Variants in ATP5MC2 observed in about 807,000 individuals in gnomAD.
ATP5MC2 encodes ATP synthase membrane subunit c locus 2.
ATP5MC2 carries 11 observed loss-of-function variants against 13.5 expected under a neutral mutation model. That is an observed-to-expected ratio of 0.81 (90% CI 0.51 to 1.35). The LOEUF (loss-of-function observed/expected upper bound fraction) is 1.35, where lower values mean the gene tolerates loss of function less well. Among genes scored for constraint, ATP5MC2 ranks in the 40% most tolerant of loss-of-function variants. The pLI is 0.00. For synonymous variants in ATP5MC2, 64 were observed against 69.7 expected, an observed-to-expected ratio of 0.92 and a Z score of 0.41; for missense variants, 132 against 175.0, an observed-to-expected ratio of 0.75 and a Z score of 1.39.
chr12:53,672,701 A>G (rs1945139255), intron 1 of ATP5MC2, 56 bp from the exon 2 acceptor site: 20 of 1,501,442 alleles, frequency 1.3e-5, no homozygotes, highest in Non-Finnish European at 1.8e-5. Context: ...CTATATCCTT[A>G]TTAGCAGAAA....
rs561172836 is a variant in ATP5MC2, at chr12:53,665,710, A to T, written c.312-282T>A. 6.6e-5 allele frequency among the ~76,000 whole-genome samples: 10 copies of T among 151,670 alleles called. 1 individual carries two copies. Among genetic ancestry groups the T allele is most frequent in the African/African-American group, 2.4e-4 (10 of 41,290 alleles). On this transcript the variant is annotated intron_variant, in intron 4 of 4. Transcript: ENST00000394349. ...ACCCATCTCATTACCACAAATTAAG[A>T]CCTCTTGGCCCAGACACTTAATATC...
intron 1 of ATP5MC2, among the ~76,000 whole-genome samples, chr12:53,675,690 G>T (rs575561621): frequency 1.3e-5 from 2 of 152,220 alleles, no homozygotes; most frequent in Non-Finnish European, 2.9e-5. Flanking sequence ...GATGAGAAGA[G>T]AAAGCAGAGA....
chr12:53,671,332 G>T (rs1945089450), intron 2 of ATP5MC2, among the ~76,000 whole-genome samples: 1 of 152,330 alleles, frequency 6.6e-6, no homozygotes, highest in South Asian at 2.1e-4. Flanking sequence ...AAGAGTAAAT[G>T]AGATTATGTA....
chr12:53,671,806 C>T (rs755010696), intron 2 of ATP5MC2, among the ~76,000 whole-genome samples: 3 of 152,054 alleles, frequency 2.0e-5, no homozygotes, highest in Admixed American at 6.6e-5. Flanking sequence ...CCGAGGACGG[C>T]GGATCACCTG....
At chr12:53,679,285 G>T (rs7976793), upstream of ATP5MC2, among the ~76,000 whole-genome samples, 45,403 of 146,908 alleles carry the variant, frequency 0.31, 7,112 homozygotes, top group East Asian at 0.37. Flanking sequence ...GAGAGACCAG[G>T]GCACAGAGAA....
chr12:53,669,436 C>T lies in ATP5MC2; in HGVS notation c.118-95G>A, dbSNP rs1309480212. 2.1e-6 allele frequency: 3 copies of T among 1,450,184 alleles called. No individual in the cohort carries two copies. The Admixed American group carries it at 8.4e-5, about 40-fold the overall frequency. 89.8% of individuals were successfully genotyped at this position (1,450,184 alleles called of 1,614,324 possible). ...TAAGCTGCCAAATCCCATTGTTTCT[C>T]CCCCAAACAGAAAATTGTTTAACGC... On this transcript the variant is annotated intron_variant, in intron 3 of 4. Transcript: ENST00000394349.
At chr12:53,676,134 C>A (rs2120414647), upstream of ATP5MC2, 1 of 1,614,226 alleles carries the variant, frequency 6.2e-7, no homozygotes, top group African/African-American at 1.3e-5. Context: ...GTGACCCGGG[C>A]CAACGAGTCG....
At chr12:53,677,341 G>A (rs1945303200), upstream of ATP5MC2, 1 of 152,240 alleles carries the variant, frequency 6.6e-6, no homozygotes, top group Non-Finnish European at 1.5e-5. Context: ...GATAAAAACC[G>A]CCGCTGAAAG....
At position 53,675,315 on chromosome 12, in the gene ATP5MC2, G is replaced by T. The variant is rs1428732914; in HGVS notation, c.-32+738C>A. Among the ~76,000 whole-genome samples the T allele has an allele frequency of 2.6e-5, 4 of 152,176 alleles. No homozygotes were observed. The East Asian group carries it at 5.8e-4, about 22-fold the overall frequency. On this transcript the variant is annotated intron_variant, in intron 1 of 4. Coordinates refer to ENST00000394349, the MANE Select transcript of ATP5MC2 (RefSeq NM_005176.7). ...GGTCTCATGCTGGCCCCACTAGCTT[G>T]GCCTTACCCCACCTTTCTGGGCCTG...
intron 4 of ATP5MC2, 92 bp from the exon 5 acceptor site, chr12:53,665,520 T>A (rs1944890157): frequency 1.9e-6 from 2 of 1,034,390 alleles, no homozygotes; most frequent in Non-Finnish European, 3.0e-6. Flanking sequence ...ATCCCCCTCT[T>A]CAAGATTATC....
chr12:53,677,543 C>T (rs1311461752), upstream of ATP5MC2: 1 of 152,230 alleles, frequency 6.6e-6, no homozygotes, highest in Non-Finnish European at 1.5e-5. Flanking sequence ...TTTTATGGCC[C>T]TGAGCTCCTG....
chr12:53,674,682 T>C lies in ATP5MC2; in HGVS notation c.-32+1371A>G, dbSNP rs950979426. Among the ~76,000 whole-genome samples the C allele has an allele frequency of 4.6e-5, 7 of 152,342 alleles. No individual in the cohort carries two copies. The East Asian group carries it at 1.2e-3, about 25-fold the overall frequency. On this transcript the variant is annotated intron_variant, in intron 1 of 4. Coordinates refer to ENST00000394349, the MANE Select transcript of ATP5MC2 (RefSeq NM_005176.7). Reference sequence around the variant, plus strand: ...CCAGGCTATTGTGGAACTCCTGGCATCAAAAGATCTTCCCACCTTGGCCTC... The same window carrying C: ...CCAGGCTATTGTGGAACTCCTGGCACCAAAAGATCTTCCCACCTTGGCCTC...
chr12:53,675,042 C>G (rs750578749), intron 1 of ATP5MC2, among the ~76,000 whole-genome samples: 2 of 152,142 alleles, frequency 1.3e-5, no homozygotes, highest in African/African-American at 4.8e-5. Context: ...AAACCCACAA[C>G]AAGGGGTGGC....
upstream of ATP5MC2, chr12:53,676,352 G>A (rs528083609): frequency 3.7e-6 from 4 of 1,075,924 alleles, no homozygotes; most frequent in African/African-American, 6.6e-5. Flanking sequence ...TACCGCGTTT[G>A]GGATCTCGGA....
At chr12:53,669,414 G>A (rs1326328344) in intron 3 of ATP5MC2, 73 bp from the exon 4 acceptor site, 1 of 1,485,472 alleles carries the variant, frequency 6.7e-7, no homozygotes, top group African/African-American at 1.4e-5. Context: ...AACCCTTTAA[G>A]CTGCCAAATC....
rs1945025493 is a variant in ATP5MC2 at position 53,669,329 on chromosome 12, A to G, written c.130T>C (p.Leu44=). Residue 44 remains leucine, a synonymous_variant, in exon 4 of 5, where the codon TTG becomes CTG. Coordinates refer to ENST00000394349, the MANE Select transcript of ATP5MC2 (RefSeq NM_005176.7). ...EILTDESLSS[L]AVSCPLTSLV... is the part of the protein sequence containing the mutation. ...GAGGTAAGGGGACATGAGACTGCCA[A>G]GCTGCTGAGGCTCTGTGAAAAAGAG... is the stretch of plus-strand genomic sequence containing the variant. 1.2e-6 allele frequency: 2 copies of G among 1,613,476 alleles called. No homozygotes were observed. Among genetic ancestry groups the G allele is most frequent in the Non-Finnish European group, 1.7e-6 (2 of 1,179,746 alleles).
Position 53,672,635 on chromosome 12 carries a change from T to C in ATP5MC2, c.-21A>G, listed in dbSNP as rs769277990. On this transcript the variant is annotated 5_prime_UTR_variant, in exon 2 of 5. Transcript: ENST00000394349. ...AACATTTTCAGGGGGTGAGGAGCTG[T>C]GGCAGGAGAGCTGGAATTACAGAAG... 15 of 1,577,774 alleles carry C rather than the reference T, an allele frequency of 9.5e-6. No individual in the cohort carries two copies. Among genetic ancestry groups the C allele is most frequent in the South Asian group, 3.5e-5 (3 of 85,928 alleles).
At chr12:53,667,950 C>CATATATATATATAT (rs1281755104) in intron 4 of ATP5MC2, among the ~76,000 whole-genome samples, 3 of 37,264 alleles carry the variant, frequency 8.1e-5, no homozygotes, top group African/African-American at 1.6e-4. Flanking sequence ...TACATACATA[C>CATATATATATATAT]ACACACATAT....
intron 4 of ATP5MC2, among the ~76,000 whole-genome samples, chr12:53,667,956 C>CACATATATATATATAT (rs1390194186): frequency 1.8e-4 from 12 of 67,356 alleles, no homozygotes; most frequent in South Asian, 5.5e-4. Context: ...CATACACACA[C>CACATATATATATATAT]ATATATATAT....
Sources: allele counts gnomAD v4.1 joint callset (sites outside exome capture counted in the v4.1 genomes callset), GRCh38; gene constraint gnomAD v4.1.1; transcripts MANE v1.5; gene names NCBI Gene and HGNC (gene_info 2026-07-23, HGNC 2026-07-21).